The following MARCHF7 variants were observed in gnomAD, a reference collection of about 807,000 sequenced individuals.
MARCHF7 encodes E3 ubiquitin-protein ligase MARCHF7.
A neutral mutation model predicts 76.5 loss-of-function variants in MARCHF7; 20 were observed. That is an observed-to-expected ratio of 0.26 (90% CI 0.18 to 0.38). The LOEUF is 0.38. Among genes scored for constraint, MARCHF7 ranks in the 10% least tolerant of loss-of-function variants. The pLI, the probability that MARCHF7 is intolerant of heterozygous loss-of-function variation, is 1.00. For missense variants in MARCHF7, 797 were observed against 812.9 expected, an observed-to-expected ratio of 0.98 and a Z score of 0.24; for synonymous variants, 295 against 293.0, an observed-to-expected ratio of 1.01 and a Z score of -0.07.
At chr2:159,714,943 GT>G (rs1164175033) in intron 2 of MARCHF7, among the ~76,000 whole-genome samples, 1 of 152,120 alleles carries the variant, frequency 6.6e-6, no homozygotes, top group Non-Finnish European at 1.5e-5. Flanking sequence ...AATAAAGTTA[GT>G]GCTCTATGCT....
intron 1 of MARCHF7, among the ~76,000 whole-genome samples, chr2:159,712,929 C>T (rs1700394249): frequency 2.0e-5 from 3 of 151,936 alleles, no homozygotes; most frequent in Non-Finnish European, 4.4e-5. Flanking sequence ...TGGCGGGTGA[C>T]GGGAAGAAGC....
chr2:159,719,238 G>A (rs1451612434), intron 3 of MARCHF7, among the ~76,000 whole-genome samples: 3 of 152,032 alleles, frequency 2.0e-5, no homozygotes, highest in Non-Finnish European at 4.4e-5. Flanking sequence ...TAGAGACGGG[G>A]TGTCAATATG....
chr2:159,714,235 T>A (rs1700750750), intron 1 of MARCHF7, among the ~76,000 whole-genome samples: 1 of 152,266 alleles, frequency 6.6e-6, no homozygotes, highest in African/African-American at 2.4e-5. Context: ...ATGCAAAATC[T>A]GTCAAATATC....
intron 9 of MARCHF7, among the ~76,000 whole-genome samples, chr2:159,761,601 G>A (rs1346068007): frequency 2.0e-5 from 3 of 150,470 alleles, no homozygotes; most frequent in Non-Finnish European, 4.4e-5. Flanking sequence ...TAGTAGAGAT[G>A]GGGTTTCACC....
At position 159,722,995 on chromosome 2, in the gene MARCHF7, G is replaced by T. The variant is rs557652621; in HGVS notation, c.-14-6014G>T. 9.6e-4 allele frequency among the ~76,000 whole-genome samples: 146 copies of T among 152,280 alleles called. 1 individual carries two copies. The highest frequency in any genetic ancestry group is 4.4e-4 in the Non-Finnish European group (30 of 68,020). ...AGAGGTATTATTAGGAAACATTATT[G>T]TTGTTATAGAACTTAATATTGACGT... is the stretch of plus-strand genomic sequence containing the variant. On this transcript the variant is annotated intron_variant, in intron 3 of 11. Coordinates refer to ENST00000409175, the MANE Select transcript of MARCHF7 (RefSeq NM_001282805.2).
chr2:159,733,487 C>T, intron 4 of MARCHF7: 1 of 969,286 alleles, frequency 1.0e-6, no homozygotes, highest in South Asian at 4.8e-5. Context: ...GTCTTCCTGC[C>T]TCACCCTCCA....
intron 3 of MARCHF7, among the ~76,000 whole-genome samples, chr2:159,719,312 G>A (rs1574182433): frequency 6.6e-6 from 1 of 151,992 alleles, no homozygotes; most frequent in East Asian, 1.9e-4. Context: ...CAAAGTGCTG[G>A]AAGCCACCAC....
At position 159,733,005 on chromosome 2, in the gene MARCHF7, A is replaced by C. The variant is rs192233153; in HGVS notation, c.153+3830A>C. On this transcript the variant is annotated intron_variant, in intron 4 of 11. Coordinates refer to ENST00000409175, the MANE Select transcript of MARCHF7 (RefSeq NM_001282805.2). ...GCACTTGGAACAGTGCCTAGAACAT[A>C]GTATAGGGGTTCAGGTGTTACTAAT... 246 of 761,550 alleles carry C rather than the reference A, an allele frequency of 3.2e-4. No individual in the cohort carries two copies. In the African/African-American group the frequency reaches 4.4e-3, roughly 14 times the overall value. The allele number at this position is 761,550 out of a possible 1,614,324, so 47.2% of individuals were successfully genotyped here. A position where few individuals can be genotyped will look rare whatever the true frequency, so the allele number is the denominator to read the frequency against.
At chr2:159,746,818 AAAT>A (rs1210575609) in intron 6 of MARCHF7, among the ~76,000 whole-genome samples, 1 of 152,228 alleles carries the variant, frequency 6.6e-6, no homozygotes, top group African/African-American at 2.4e-5. Flanking sequence ...ACATAGTAGG[AAAT>A]AATGTTTTGT....
intron 7 of MARCHF7, 88 bp from the exon 8 acceptor site, chr2:159,752,311 TAAC>T: frequency 8.0e-7 from 1 of 1,243,492 alleles, no homozygotes; most frequent in African/African-American, 1.5e-5. Context: ...TGAGTAGAAA[TAAC>T]AAAAAAGAAA....
chr2:159,719,045 G>A lies in MARCHF7; in HGVS notation c.-15+3279G>A, dbSNP rs915527122. Among the ~76,000 whole-genome samples the A allele has an allele frequency of 2.6e-5, 4 of 152,030 alleles. No individual in the cohort carries two copies. In the South Asian group the frequency reaches 8.3e-4, roughly 32 times the overall value. The stretch of plus-strand genomic sequence containing the variant: ...ACTCTGATGCAGTGGCGCGATCTCC[G>A]CTCACCACAACCTTCACCTCCCCAG... On this transcript the variant is annotated intron_variant, in intron 3 of 11. Coordinates refer to ENST00000409175, the MANE Select transcript of MARCHF7 (RefSeq NM_001282805.2).
At chr2:159,747,530 T>G (rs1162018399) in intron 6 of MARCHF7, among the ~76,000 whole-genome samples, 3 of 152,150 alleles carry the variant, frequency 2.0e-5, no homozygotes, top group Non-Finnish European at 4.4e-5. Context: ...ATTCAGCTGT[T>G]TTAATTTTAT....
In MARCHF7 at chr2:159,768,392, C is replaced by T. The variant is rs1708009657; in HGVS notation, c.*1050C>T. Reference sequence around the variant, plus strand: ...ACTTCCATAACACTGTATTTTTCTTCTGTCAGTACCCTTAGGATACACTTT... The same window carrying T: ...ACTTCCATAACACTGTATTTTTCTTTTGTCAGTACCCTTAGGATACACTTT... On this transcript the variant is annotated 3_prime_UTR_variant, in exon 12 of 12. Transcript: ENST00000409175. 6.6e-6 allele frequency: 1 copy of T among 152,568 alleles called. No homozygotes were observed. Among genetic ancestry groups the T allele is most frequent in the Non-Finnish European group, 1.5e-5 (1 of 67,994 alleles). 9.5% of individuals were successfully genotyped at this position (152,568 alleles called of 1,614,324 possible). A position where few individuals can be genotyped will look rare whatever the true frequency, so the allele number is the denominator to read the frequency against.
chr2:159,755,267 T>C (rs1175014675), intron 8 of MARCHF7, among the ~76,000 whole-genome samples: 1 of 151,068 alleles, frequency 6.6e-6, no homozygotes, highest in Non-Finnish European at 1.5e-5. Flanking sequence ...GTGCAGCAAA[T>C]TGTGATGAGG....
intron 4 of MARCHF7, among the ~76,000 whole-genome samples, chr2:159,730,233 G>A (rs940224204): frequency 4.6e-5 from 7 of 152,122 alleles, no homozygotes; most frequent in Non-Finnish European, 7.3e-5. Context: ...GCTTATCATT[G>A]TAGCAAATTT....
intron 3 of MARCHF7, among the ~76,000 whole-genome samples, chr2:159,722,512 A>C (rs149060615): frequency 6.6e-6 from 1 of 152,156 alleles, no homozygotes; most frequent in Non-Finnish European, 1.5e-5. Flanking sequence ...TTAGACTACA[A>C]TTTCTTTACA....
At chr2:159,716,266 A>ATT (rs11454651) in intron 3 of MARCHF7, among the ~76,000 whole-genome samples, 34 of 148,288 alleles carry the variant, frequency 2.3e-4, no homozygotes, top group Admixed American at 7.4e-4. Flanking sequence ...CCAGAAGCAG[A>ATT]TTTTTTTTTT....
chr2:159,765,904 CTTCT>C (rs1234247899), intron 11 of MARCHF7, among the ~76,000 whole-genome samples: 8 of 152,106 alleles, frequency 5.3e-5, no homozygotes, highest in Non-Finnish European at 1.0e-4. Flanking sequence ...ACAAAGGTCT[CTTCT>C]TTGTTTTTTT....
intron 5 of MARCHF7, among the ~76,000 whole-genome samples, chr2:159,745,236 TAGGC>T (rs1704706479): frequency 6.6e-6 from 1 of 152,220 alleles, no homozygotes; most frequent in Admixed American, 6.5e-5. Context: ...ATTTTAATGT[TAGGC>T]AGAGAAGAAT....
Sources: allele counts gnomAD v4.1 joint callset (sites outside exome capture counted in the v4.1 genomes callset), GRCh38; gene constraint gnomAD v4.1.1; transcripts MANE v1.5; gene names NCBI Gene and HGNC (gene_info 2026-07-23, HGNC 2026-07-21).